CDK5RAP2: variants seen among roughly 807,000 people sequenced by gnomAD.
The protein encoded by CDK5RAP2 is CDK5 regulatory subunit-associated protein 2.
A neutral mutation model predicts 232.9 loss-of-function variants in CDK5RAP2; 147 were observed. The ratio of observed to expected loss-of-function variants is 0.63; its 90% CI spans 0.55 to 0.72. The LOEUF is 0.72. Ranked by LOEUF, CDK5RAP2 falls within the 30% of genes least tolerant of loss-of-function variation. The pLI is 0.00. For synonymous variants in CDK5RAP2, 833 were observed against 833.7 expected, an observed-to-expected ratio of 1.00 and a Z score of 0.01; for missense variants, 2,195 against 2,231.5, an observed-to-expected ratio of 0.98 and a Z score of 0.33.
At chr9:120,397,369 T>C (rs571497966) in intron 35 of CDK5RAP2, among the ~76,000 whole-genome samples, 1 of 151,964 alleles carries the variant, frequency 6.6e-6, no homozygotes, top group African/African-American at 2.4e-5. Flanking sequence ...GTATCATCTA[T>C]AAAATATTTT....
chr9:120,446,207 A>G (rs1207790997), intron 22 of CDK5RAP2, among the ~76,000 whole-genome samples: 3 of 152,174 alleles, frequency 2.0e-5, no homozygotes, highest in Non-Finnish European at 2.9e-5. Context: ...TTTATTTCCA[A>G]AAACAGGAAG....
rs906739183 is a variant in CDK5RAP2, at chr9:120,438,970, G to A, written c.3722+429C>T. Among the ~76,000 whole-genome samples the A allele has an allele frequency of 3.9e-5, 6 of 152,150 alleles. 1 individual carries two copies. The highest frequency in any genetic ancestry group is 7.2e-5 in the African/African-American group (3 of 41,416). ...GATGACCTTAAAGGGTAAAGATATGGAAAATATTTATATTCCTCCTACCTT... is the reference window on the plus strand; with the variant it reads ...GATGACCTTAAAGGGTAAAGATATGAAAAATATTTATATTCCTCCTACCTT... On this transcript the variant is annotated intron_variant, in intron 24 of 37. Coordinates refer to ENST00000349780, the MANE Select transcript of CDK5RAP2 (RefSeq NM_018249.6).
At chr9:120,486,406 T>C (rs1329879558) in intron 14 of CDK5RAP2, among the ~76,000 whole-genome samples, 3 of 142,834 alleles carry the variant, frequency 2.1e-5, no homozygotes, top group Non-Finnish European at 3.0e-5. Context: ...CAGGTTTTTC[T>C]TTTAAAAAAA....
chr9:120,473,669 C>T (rs1368024514), intron 15 of CDK5RAP2, among the ~76,000 whole-genome samples: 1 of 152,202 alleles, frequency 6.6e-6, no homozygotes, highest in Non-Finnish European at 1.5e-5. Context: ...TTAAGACAAT[C>T]ATAATGATCA....
chr9:120,572,817 C>T (rs1436762317), intron 1 of CDK5RAP2, among the ~76,000 whole-genome samples: 1 of 152,212 alleles, frequency 6.6e-6, no homozygotes, highest in Non-Finnish European at 1.5e-5. Flanking sequence ...GGGTACTCCA[C>T]AAATGGGAGC....
rs2038899609 is a variant in CDK5RAP2 at position 120,491,396 on chromosome 9, G to C, written c.1393C>G (p.Leu465Val). 4 of 1,612,054 alleles carry C rather than the reference G, an allele frequency of 2.5e-6. No homozygotes were observed. The African/African-American group carries it at 5.3e-5, about 22-fold the overall frequency. The change falls in exon 13 of 38, where the codon CTG (leucine) becomes GTG (valine). Residue 465 changes from leucine to valine, a missense_variant. Leu to Val is a conservative substitution (Grantham distance 32). Coordinates refer to ENST00000349780, the MANE Select transcript of CDK5RAP2 (RefSeq NM_018249.6). ...TGCAATTTTTTATTGCTTTCACTCAGAAGACTCTTGTAACGATTTTCCATT... is the reference window on the plus strand; with the variant it reads ...TGCAATTTTTTATTGCTTTCACTCACAAGACTCTTGTAACGATTTTCCATT... ...KAMENRYKSL[L>V]SESNKKLHNQ...
chr9:120,549,196 G>A lies in CDK5RAP2; in HGVS notation c.306+1596C>T, dbSNP rs368753788. Among the ~76,000 whole-genome samples, 112 of 151,216 alleles carry A rather than the reference G, an allele frequency of 7.4e-4. No individual in the cohort carries two copies. The East Asian group carries it at 0.014, about 19-fold the overall frequency. On this transcript the variant is annotated intron_variant, in intron 4 of 37. Transcript: ENST00000349780. The stretch of plus-strand genomic sequence containing the variant: ...AAGAGACAGAAAGATATCATTAAGC[G>A]AAAAATATAAGGTGCAGAACAGAAC...
At chr9:120,432,524 A>G (rs1173888306) in intron 25 of CDK5RAP2, among the ~76,000 whole-genome samples, 2 of 152,192 alleles carry the variant, frequency 1.3e-5, no homozygotes, top group African/African-American at 4.8e-5. Context: ...TCATAATTCA[A>G]GAGCCAGACC....
intron 3 of CDK5RAP2, 94 bp downstream of exon 3, chr9:120,568,227 C>T: frequency 1.0e-6 from 1 of 994,412 alleles, no homozygotes; most frequent in Non-Finnish European, 1.6e-6. Flanking sequence ...CATCACCGAA[C>T]TTAGATCTCA....
intron 32 of CDK5RAP2, among the ~76,000 whole-genome samples, chr9:120,404,452 C>T (rs766472702): frequency 4.6e-5 from 7 of 152,198 alleles, no homozygotes; most frequent in Non-Finnish European, 7.3e-5. Flanking sequence ...GGCTAATACC[C>T]GTTTTAAAAC....
chr9:120,579,945 C>G lies in CDK5RAP2; in HGVS notation c.34G>C (p.Val12Leu), dbSNP rs146839668. 3.4e-4 allele frequency: 555 copies of G among 1,613,436 alleles called. 3 individuals carry two copies. In the African/African-American group the frequency reaches 6.9e-3, roughly 20 times the overall value. ...MDLVLEEDVT[V>L]PGTLSGCSGL... is the part of the protein sequence containing the mutation. ...CTGCAGCCGCTGAGCGTCCCAGGGACGGTGACGTCCTCTTCCAACACCAAG... is the reference window on the plus strand; with the variant it reads ...CTGCAGCCGCTGAGCGTCCCAGGGAGGGTGACGTCCTCTTCCAACACCAAG... The change falls in exon 1 of 38, where the codon GTC becomes CTC. Residue 12 changes from valine (V) to leucine (L), a missense_variant. By Grantham distance (32) the Val-to-Leu change is conservative. Transcript: ENST00000349780.
At chr9:120,490,337 T>G (rs931802560) in intron 13 of CDK5RAP2, among the ~76,000 whole-genome samples, 5 of 152,232 alleles carry the variant, frequency 3.3e-5, no homozygotes, top group African/African-American at 9.6e-5. Context: ...GCATGCACAC[T>G]TCCACTCCCT....
chr9:120,448,416 A>G (rs2036311368), intron 21 of CDK5RAP2, among the ~76,000 whole-genome samples: 1 of 152,038 alleles, frequency 6.6e-6, no homozygotes, highest in Non-Finnish European at 1.5e-5. Context: ...TTCCAACCTG[A>G]TCTTCTGGGA....
intron 12 of CDK5RAP2, among the ~76,000 whole-genome samples, chr9:120,510,159 G>T (rs936271832): frequency 6.6e-6 from 1 of 152,166 alleles, no homozygotes; most frequent in African/African-American, 2.4e-5. Context: ...ATCCATCAAT[G>T]AGTACATGTG....
At chr9:120,527,722 A>G (rs1275927800) in intron 10 of CDK5RAP2, 84 bp downstream of exon 10, 1 of 1,500,850 alleles carries the variant, frequency 6.7e-7, no homozygotes, top group Non-Finnish European at 9.1e-7. Flanking sequence ...TAAACTTTTT[A>G]TCTGAAGCTA....
chr9:120,499,037 T>A (rs577203837), intron 12 of CDK5RAP2, among the ~76,000 whole-genome samples: 2 of 152,250 alleles, frequency 1.3e-5, no homozygotes, highest in Admixed American at 1.3e-4. Flanking sequence ...GAGCCACCAC[T>A]CCCATCCTTG....
intron 7 of CDK5RAP2, among the ~76,000 whole-genome samples, chr9:120,531,694 AG>A (rs1353380195): frequency 6.6e-6 from 1 of 152,234 alleles, no homozygotes; most frequent in Admixed American, 6.5e-5. Flanking sequence ...AAACCAAGAA[AG>A]CAACTTAGTT....
At chr9:120,558,146 A>G (rs11794309) in intron 3 of CDK5RAP2, among the ~76,000 whole-genome samples, 17,799 of 146,226 alleles carry the variant, frequency 0.12, 1,495 homozygotes, top group East Asian at 0.29. Flanking sequence ...AGGCCGAGGC[A>G]GGCAGATCAT....
intron 36 of CDK5RAP2, among the ~76,000 whole-genome samples, chr9:120,393,308 C>A (rs181147582): frequency 6.6e-6 from 1 of 152,284 alleles, no homozygotes; most frequent in Non-Finnish European, 1.5e-5. Context: ...CAGGACCTGG[C>A]GTAAGGGGCA....
Sources: gnomAD v4.1 joint callset for allele counts (sites outside exome capture counted in the v4.1 genomes callset) on GRCh38, gnomAD v4.1.1 for gene constraint, MANE v1.5 for transcripts, NCBI Gene and HGNC (gene_info 2026-07-23, HGNC 2026-07-21) for gene names.